Variants in KLHL1 observed in about 807,000 individuals in gnomAD.
KLHL1 encodes kelch like family member 1, also known as kelch-like protein 1.
In KLHL1, 47 loss-of-function variants were observed where a neutral mutation model predicts 77.7. The observed-to-expected ratio is 0.60, with a 90% CI of 0.48 to 0.77. KLHL1 has a LOEUF of 0.77. Among genes scored for constraint, KLHL1 ranks in the 30% least tolerant of loss-of-function variants. The pLI, the probability that KLHL1 is intolerant of heterozygous loss-of-function variation, is 0.00. For synonymous variants in KLHL1, 360 were observed against 325.2 expected, an observed-to-expected ratio of 1.11 and a Z score of -1.15; for missense variants, 925 against 910.8, an observed-to-expected ratio of 1.02 and a Z score of -0.20.
At chr13:70,084,622 C>CTTTTTTTTTTTT (rs71116988) in intron 1 of KLHL1, among the ~76,000 whole-genome samples, 221 of 14,928 alleles carry the variant, frequency 0.015, 39 homozygotes, top group Middle Eastern at 0.12. Context: ...CCACGCCAGG[C>CTTTTTTTTTTTT]TTTTTTTTTT....
chr13:70,051,573 C>G (rs1368971350), intron 1 of KLHL1, among the ~76,000 whole-genome samples: 1 of 151,898 alleles, frequency 6.6e-6, no homozygotes, highest in Non-Finnish European at 1.5e-5. Flanking sequence ...AAATTTAATT[C>G]AATAGAAGGA....
chr13:69,823,859 G>A (rs1260025420), intron 6 of KLHL1, among the ~76,000 whole-genome samples: 1 of 151,764 alleles, frequency 6.6e-6, no homozygotes, highest in Non-Finnish European at 1.5e-5. Context: ...TGAGTAATGT[G>A]TATAGTTGAT....
At chr13:69,710,212 T>C (rs987795580) in intron 9 of KLHL1, among the ~76,000 whole-genome samples, 8 of 151,730 alleles carry the variant, frequency 5.3e-5, no homozygotes, top group African/African-American at 1.9e-4. Context: ...CAGGGGAAAT[T>C]TTAAGAATAC....
At chr13:69,903,630 CTTTTTTTTTTTTTTT>C (rs35761520) in intron 4 of KLHL1, among the ~76,000 whole-genome samples, 26 of 50,204 alleles carry the variant, frequency 5.2e-4, no homozygotes, top group African/African-American at 1.3e-3. Flanking sequence ...TGTTCACATT[CTTTTTTTTTTTTTTT>C]TTTTTTTTTT....
In KLHL1 at chr13:69,832,104, T is replaced by C. The variant is rs562671100; in HGVS notation, c.1414+6872A>G. ...ATACTGGACATCCTAGCCAGAACAA[T>C]CGGACAAAAGAAAGAAATAAAGGGC... On this transcript the variant is annotated intron_variant, in intron 6 of 10. Coordinates refer to ENST00000377844, the MANE Select transcript of KLHL1 (RefSeq NM_020866.3). Among the ~76,000 whole-genome samples, 6 of 149,636 alleles carry C rather than the reference T, an allele frequency of 4.0e-5. 1 individual carries two copies. The highest frequency in any genetic ancestry group is 1.5e-4 in the African/African-American group (6 of 39,876).
intron 5 of KLHL1, among the ~76,000 whole-genome samples, chr13:69,847,689 A>C (rs187626871): frequency 0.01 from 1,533 of 151,660 alleles, 12 homozygotes; most frequent in Middle Eastern, 0.044. Context: ...CATGTACTTC[A>C]TCTTATTTCA....
At chr13:69,728,438 A>T (rs1311150734) in intron 8 of KLHL1, among the ~76,000 whole-genome samples, 2 of 151,832 alleles carry the variant, frequency 1.3e-5, no homozygotes, top group East Asian at 4.0e-4. Flanking sequence ...TTTGTTTGAG[A>T]CAGAGTCTCT....
chr13:69,752,720 A>G (rs1874540331), intron 7 of KLHL1, among the ~76,000 whole-genome samples: 1 of 152,164 alleles, frequency 6.6e-6, no homozygotes, highest in African/African-American at 2.4e-5. Flanking sequence ...GGTTGGGTAG[A>G]ATTTTGACAA....
intron 3 of KLHL1, among the ~76,000 whole-genome samples, chr13:69,956,160 GAT>G (rs1018215944): frequency 7.5e-6 from 1 of 132,946 alleles, no homozygotes; most frequent in Non-Finnish European, 1.6e-5. Flanking sequence ...ATATATATTT[GAT>G]ATATATATTT....
intron 1 of KLHL1, among the ~76,000 whole-genome samples, chr13:70,009,925 AAG>A (rs1263507198): frequency 6.6e-6 from 1 of 152,124 alleles, no homozygotes; most frequent in Non-Finnish European, 1.5e-5. Context: ...ATCTGGATGA[AAG>A]AGAGAAGATA....
At chr13:70,068,118 G>C (rs895380957) in intron 1 of KLHL1, among the ~76,000 whole-genome samples, 14 of 151,438 alleles carry the variant, frequency 9.2e-5, no homozygotes, top group African/African-American at 3.4e-4. Context: ...GAGGCGGGCG[G>C]ATCACGAGGT....
chr13:69,874,048 G>A (rs1404234309), intron 5 of KLHL1, among the ~76,000 whole-genome samples: 1 of 152,122 alleles, frequency 6.6e-6, no homozygotes, highest in African/African-American at 2.4e-5. Flanking sequence ...ATTGAGGGGT[G>A]GAGTGGGGCA....
chr13:69,709,712 C>T (rs1875790896), intron 9 of KLHL1, among the ~76,000 whole-genome samples: 1 of 151,684 alleles, frequency 6.6e-6, no homozygotes, highest in Non-Finnish European at 1.5e-5. Context: ...GGGTTGAAAA[C>T]ATGTTCAGAA....
intron 4 of KLHL1, among the ~76,000 whole-genome samples, chr13:69,888,573 T>C (rs556023342): frequency 2.0e-5 from 3 of 152,204 alleles, no homozygotes; most frequent in Admixed American, 6.5e-5. Flanking sequence ...TGTGTAGTTA[T>C]GCTACCACAA....
intron 1 of KLHL1, among the ~76,000 whole-genome samples, chr13:70,094,995 T>C (rs79313527): frequency 0.03 from 4,619 of 152,256 alleles, 171 homozygotes; most frequent in African/African-American, 0.089. Context: ...CAAAAAGTAG[T>C]TTCTTCCTTA....
intron 7 of KLHL1, among the ~76,000 whole-genome samples, chr13:69,753,824 A>G (rs1318490837): frequency 7.4e-6 from 1 of 135,342 alleles, no homozygotes; most frequent in Non-Finnish European, 1.6e-5. Context: ...ATTTTCCATA[A>G]TGGCATAGAA....
chr13:69,976,271 A>T (rs915200215), intron 1 of KLHL1, among the ~76,000 whole-genome samples: 2 of 152,042 alleles, frequency 1.3e-5, no homozygotes, highest in Non-Finnish European at 2.9e-5. Flanking sequence ...AAAAAATATA[A>T]AACCTGGTTT....
At chr13:69,783,554 T>C (rs1340129107) in intron 7 of KLHL1, among the ~76,000 whole-genome samples, 1 of 151,812 alleles carries the variant, frequency 6.6e-6, no homozygotes, top group Non-Finnish European at 1.5e-5. Flanking sequence ...GCCGATGCGA[T>C]CAACTGGAAG....
rs146813808 is a variant in KLHL1, at chr13:69,746,446, T to C, written c.1640-5890A>G. 1.8e-3 allele frequency among the ~76,000 whole-genome samples: 272 copies of C among 152,138 alleles called. 1 individual carries two copies. Among genetic ancestry groups the C allele is most frequent in the African/African-American group, 6.1e-3 (253 of 41,568 alleles). On this transcript the variant is annotated intron_variant, in intron 7 of 10. Coordinates refer to ENST00000377844, the MANE Select transcript of KLHL1 (RefSeq NM_020866.3). ...ATTTAATTAGCTACACTAAGAATTA[T>C]ATAAACTCTGATTTATCTAATTAAT... is the stretch of plus-strand genomic sequence containing the variant.
Sources: gnomAD v4.1 joint callset for allele counts (sites outside exome capture counted in the v4.1 genomes callset) on GRCh38, gnomAD v4.1.1 for gene constraint, MANE v1.5 for transcripts, NCBI Gene and HGNC (gene_info 2026-07-23, HGNC 2026-07-21) for gene names.